The following CLIC5 variants were observed in gnomAD, a reference collection of about 807,000 sequenced individuals.
The protein encoded by CLIC5 is chloride intracellular channel protein 5.
CLIC5 carries 20 observed loss-of-function variants against 24.7 expected under a neutral mutation model. That is an observed-to-expected ratio of 0.81 (90% CI 0.57 to 1.18). The LOEUF (loss-of-function observed/expected upper bound fraction) is 1.18. Ranked by LOEUF, CLIC5 falls within the 50% of genes most tolerant of loss-of-function variation. The pLI, the probability that CLIC5 is intolerant of heterozygous loss-of-function variation, is 0.00. For synonymous variants in CLIC5, 159 were observed against 135.6 expected, an observed-to-expected ratio of 1.17 and a Z score of -1.20; for missense variants, 341 against 326.1, an observed-to-expected ratio of 1.05 and a Z score of -0.35.
chr6:45,904,636 T>TTC, intron 5 of CLIC5, among the ~76,000 whole-genome samples: 1 of 992 alleles, frequency 1.0e-3, no homozygotes, highest in African/African-American at 4.1e-3. Context: ...CCTCCCTCCC[T>TTC]CTTTTCTGTC....
At chr6:45,884,750 C>G (rs1385728722) in intron 6 of CLIC5, among the ~76,000 whole-genome samples, 1 of 152,002 alleles carries the variant, frequency 6.6e-6, no homozygotes, top group Non-Finnish European at 1.5e-5. Flanking sequence ...CGTGTGGATA[C>G]CGATGCCCAA....
At chr6:45,985,107 A>G (rs182931474) in intron 1 of CLIC5, among the ~76,000 whole-genome samples, 23 of 152,302 alleles carry the variant, frequency 1.5e-4, no homozygotes, top group African/African-American at 5.5e-4. Context: ...AAGGCCTTCT[A>G]GAAGCTAAGC....
At chr6:45,946,321 A>G (rs1047287507) in intron 3 of CLIC5, among the ~76,000 whole-genome samples, 3 of 152,204 alleles carry the variant, frequency 2.0e-5, no homozygotes, top group Non-Finnish European at 4.4e-5. Flanking sequence ...AAGGAGAGGG[A>G]TGGATGTTAG....
chr6:45,922,259 G>T (rs1346161526), intron 4 of CLIC5, among the ~76,000 whole-genome samples: 2 of 152,306 alleles, frequency 1.3e-5, no homozygotes, highest in South Asian at 4.1e-4. Flanking sequence ...TAGCGTTTAA[G>T]TCTTACAATT....
intron 1 of CLIC5, among the ~76,000 whole-genome samples, chr6:45,973,906 G>A (rs1765287670): frequency 6.8e-6 from 1 of 148,014 alleles, no homozygotes; most frequent in South Asian, 2.1e-4. Context: ...CTCCAGCCTG[G>A]CAACAGAGCA....
intron 1 of CLIC5, among the ~76,000 whole-genome samples, chr6:45,992,972 C>T (rs1052419737): frequency 5.3e-5 from 8 of 152,154 alleles, no homozygotes; most frequent in African/African-American, 1.9e-4. Context: ...GACACACAAA[C>T]ACAAGCTAAC....
chr6:46,006,639 C>T (rs541252121), intron 1 of CLIC5, among the ~76,000 whole-genome samples: 47 of 151,742 alleles, frequency 3.1e-4, no homozygotes, highest in East Asian at 1.2e-3. Flanking sequence ...TAACTCCTCA[C>T]GTGCCTCATT....
Position 45,933,030 on chromosome 6 carries a change from C to T in CLIC5, c.406+8517G>A, listed in dbSNP as rs771142174. The stretch of plus-strand genomic sequence containing the variant: ...AAACTCACTGAGGTTCCTAGAATAA[C>T]CCGAGAGTCTTCTTCCATTCTATGT... On this transcript the variant is annotated intron_variant, in intron 4 of 5. Transcript: ENST00000339561. 2.0e-5 allele frequency among the ~76,000 whole-genome samples: 3 copies of T among 152,192 alleles called. No homozygotes were observed. The South Asian group carries it at 6.2e-4, about 32-fold the overall frequency.
chr6:46,103,532 C>T, the CLIC5 span, among the ~76,000 whole-genome samples: 3 of 152,140 alleles, frequency 2.0e-5, no homozygotes, highest in Non-Finnish European at 4.4e-5. Flanking sequence ...ACAAGACCAC[C>T]TTTGCTAGCC....
In CLIC5 at chr6:46,027,293, C is replaced by G. The variant is rs145325112; in HGVS notation, c.540+52410G>C. 1.6e-3 allele frequency among the ~76,000 whole-genome samples: 245 copies of G among 152,276 alleles called. 1 individual carries two copies. The highest frequency in any genetic ancestry group is 0.01 in the Middle Eastern group (3 of 294). Reference sequence around the variant, plus strand: ...TGAAGTGATGACATTTAAGCCCAGACCTGAAAGATGAAAAGGAGCTGTTCA... The same window carrying G: ...TGAAGTGATGACATTTAAGCCCAGAGCTGAAAGATGAAAAGGAGCTGTTCA... On this transcript the variant is annotated intron_variant, in intron 1 of 5. Transcript: ENST00000185206.
At chr6:45,977,233 GA>G (rs1765414638) in intron 1 of CLIC5, among the ~76,000 whole-genome samples, 1 of 151,660 alleles carries the variant, frequency 6.6e-6, no homozygotes, top group Non-Finnish European at 1.5e-5. Context: ...TTTTTCCTAT[GA>G]CTCCACTTCA....
At chr6:45,983,771 C>A (rs1263636859) in intron 1 of CLIC5, among the ~76,000 whole-genome samples, 1 of 152,204 alleles carries the variant, frequency 6.6e-6, no homozygotes, top group Non-Finnish European at 1.5e-5. Flanking sequence ...TGCCTTCGGG[C>A]CTGAAATATA....
chr6:45,896,566 G>T (rs1762395305), downstream of CLIC5, among the ~76,000 whole-genome samples: 1 of 152,176 alleles, frequency 6.6e-6, no homozygotes, highest in African/African-American at 2.4e-5. Context: ...AACTTACTGG[G>T]GGCTCTGGGT....
At chr6:45,998,354 G>T (rs1425976718) in intron 1 of CLIC5, among the ~76,000 whole-genome samples, 1 of 152,192 alleles carries the variant, frequency 6.6e-6, no homozygotes, top group Non-Finnish European at 1.5e-5. Flanking sequence ...CTTGGCAGGA[G>T]CCAGGAGTCT....
intron 1 of CLIC5, among the ~76,000 whole-genome samples, chr6:46,000,455 T>C (rs1427143618): frequency 1.3e-5 from 2 of 152,190 alleles, no homozygotes; most frequent in African/African-American, 4.8e-5. Context: ...ACCCAGGTGA[T>C]GGAAGTCAGC....
At chr6:45,918,993 ACTC>A in intron 4 of CLIC5, 1 of 984,996 alleles carries the variant, frequency 1.0e-6, no homozygotes, top group Non-Finnish European at 1.2e-6. Flanking sequence ...CATTCAAACT[ACTC>A]CTGGGACGTA....
Position 45,903,115 on chromosome 6 carries a change from A to G in CLIC5, c.729T>C (p.Asp243=), listed in dbSNP as rs762150657. Reference sequence around the variant, plus strand: ...AGGATCGGCTGAGGCGTTTGGCGACATCAGCGTAGGCCAACTCGATCTCAC... The same window carrying G: ...AGGATCGGCTGAGGCGTTTGGCGACGTCAGCGTAGGCCAACTCGATCTCAC... ...ADSEIELAYA[D]VAKRLSRS Residue 243 remains aspartate (D), a synonymous_variant, in exon 6 of 6, where the codon GAT becomes GAC. Coordinates refer to ENST00000339561, the MANE Select transcript of CLIC5 (RefSeq NM_016929.5). 6.2e-7 allele frequency: 1 copy of G among 1,614,106 alleles called. No homozygotes were observed. The highest frequency in any genetic ancestry group is 1.3e-5 in the African/African-American group (1 of 74,940).
chr6:46,027,930 T>C (rs907499448), intron 1 of CLIC5, among the ~76,000 whole-genome samples: 1 of 152,236 alleles, frequency 6.6e-6, no homozygotes, highest in Non-Finnish European at 1.5e-5. Context: ...AATTCTTTTT[T>C]ACCTTGCTCT....
chr6:45,978,325 C>G (rs946871228), intron 1 of CLIC5, among the ~76,000 whole-genome samples: 6 of 152,114 alleles, frequency 3.9e-5, no homozygotes, highest in African/African-American at 1.4e-4. Context: ...ATAAAATACT[C>G]TTCTCTTTGA....
Sources: allele counts gnomAD v4.1 joint callset (sites outside exome capture counted in the v4.1 genomes callset), GRCh38; gene constraint gnomAD v4.1.1; transcripts MANE v1.5; gene names NCBI Gene and HGNC (gene_info 2026-07-23, HGNC 2026-07-21).